Variants in TKT observed in about 807,000 individuals in gnomAD.
TKT encodes transketolase.
TKT carries 47 observed loss-of-function variants against 63.9 expected under a neutral mutation model. The observed-to-expected ratio is 0.74, with a 90% CI of 0.58 to 0.94. The LOEUF is 0.94. TKT is among the 40% of genes least tolerant of loss of function. The pLI, the probability that TKT is intolerant of heterozygous loss-of-function variation, is 0.00. For missense variants in TKT, 721 were observed against 846.2 expected (o/e 0.85, Z 1.84); for synonymous variants, 338 against 334.1 (o/e 1.01, Z -0.13).
rs1343939040 is a variant in TKT, at chr3:53,226,755, C to T, written c.1696+1G>A. ...AGCCTGCCTGCCCCAGGCCTCCTTA[C>T]CTTCATAATAATGGTCCTCCACGGT... is the stretch of plus-strand genomic sequence containing the variant. On this transcript the variant is annotated splice_donor_variant, in intron 13 of 13. Transcript: ENST00000462138. LOFTEE classifies it high-confidence loss of function. 1 of 1,614,070 alleles carries T rather than the reference C, an allele frequency of 6.2e-7. No individual in the cohort carries two copies.
At chr3:53,251,613 G>C (rs1326872301) in intron 1 of TKT, among the ~76,000 whole-genome samples, 1 of 152,190 alleles carries the variant, frequency 6.6e-6, no homozygotes, top group Non-Finnish European at 1.5e-5. Context: ...GAAAGCTATC[G>C]AGAAACGAGC....
intron 1 of TKT, among the ~76,000 whole-genome samples, chr3:53,250,342 T>C (rs925221015): frequency 8.1e-4 from 123 of 152,200 alleles, no homozygotes; most frequent in African/African-American, 2.9e-3. Flanking sequence ...TAAACTGGGA[T>C]ACAACCCCAG....
intron 4 of TKT, among the ~76,000 whole-genome samples, chr3:53,236,790 G>A (rs1323820151): frequency 2.6e-5 from 4 of 152,204 alleles, no homozygotes; most frequent in Non-Finnish European, 2.9e-5. Context: ...AGGGCCATCA[G>A]GCTCAGGTCA....
intron 12 of TKT, 76 bp from the exon 13 acceptor site, chr3:53,226,954 A>G (rs1704527675): frequency 4.6e-6 from 7 of 1,525,982 alleles, no homozygotes; most frequent in South Asian, 2.5e-5. Flanking sequence ...GCCTGGTGGG[A>G]CATCCTGAGG....
chr3:53,238,979 G>A (rs1575567549), intron 4 of TKT, among the ~76,000 whole-genome samples: 1 of 152,184 alleles, frequency 6.6e-6, no homozygotes, highest in Admixed American at 6.5e-5. Flanking sequence ...TGTAGCTCCC[G>A]TAATTCCTAC....
intron 4 of TKT, among the ~76,000 whole-genome samples, chr3:53,239,137 C>A (rs1705162339): frequency 6.6e-6 from 1 of 152,164 alleles, no homozygotes; most frequent in Non-Finnish European, 1.5e-5. Flanking sequence ...TTGCCTGCGC[C>A]TTCCACATAA....
At chr3:53,246,467 C>T (rs1405041349) in intron 1 of TKT, among the ~76,000 whole-genome samples, 1 of 152,160 alleles carries the variant, frequency 6.6e-6, no homozygotes, top group Admixed American at 6.5e-5. Flanking sequence ...AATATTCTCT[C>T]CCAAATATAG....
At position 53,233,231 on chromosome 3, in the gene TKT, A is replaced by G. The variant is rs781788909; in HGVS notation, c.673T>C (p.Cys225Arg). The G allele has an allele frequency of 1.2e-6, 2 of 1,613,788 alleles. No individual in the cohort carries two copies. The highest frequency in any genetic ancestry group is 1.7e-6 in the Non-Finnish European group (2 of 1,179,886). Residue 225 changes from cysteine to arginine, a missense_variant, in exon 6 of 14, where the codon TGC becomes CGC. Coordinates refer to ENST00000462138, the MANE Select transcript of TKT (RefSeq NM_001064.4). Reference protein sequence around the residue: ...IVDGHSVEELCKAFGQAKHQP... With the variant: ...IVDGHSVEELRKAFGQAKHQP... The stretch of plus-strand genomic sequence containing the variant: ...TGCTTGGCCTGGCCAAAGGCCTTGC[A>G]CAGCTCCTCCACGCTGTGTCCATCC...
intron 1 of TKT, among the ~76,000 whole-genome samples, chr3:53,245,748 G>A (rs9868820): frequency 0.092 from 14,017 of 152,198 alleles, 2,172 homozygotes; most frequent in African/African-American, 0.32. Context: ...TCATGCTACT[G>A]CACTCCAGCC....
chr3:53,255,795 C>A (rs1553682188), intron 1 of TKT, 41 bp downstream of exon 1: 1 of 1,366,730 alleles, frequency 7.3e-7, no homozygotes. Context: ...ACGCCCCCCG[C>A]CCCGCCCGAG....
Position 53,243,055 on chromosome 3 carries a change from G to A in TKT, c.108-813C>T, listed in dbSNP as rs1220515687. Among the ~76,000 whole-genome samples, 3 of 152,110 alleles carry A rather than the reference G, an allele frequency of 2.0e-5. No homozygotes were observed. The East Asian group carries it at 5.8e-4, about 29-fold the overall frequency. On this transcript the variant is annotated intron_variant, in intron 1 of 13. Coordinates refer to ENST00000462138, the MANE Select transcript of TKT (RefSeq NM_001064.4). ...TCATGTATTAATAAAAACCCCTTCT[G>A]CCTATGGACAAGGGCTGAGGAAGGG...
chr3:53,226,563 A>G, intron 13 of TKT, 193 bp downstream of exon 13: 2 of 672,476 alleles, frequency 3.0e-6, no homozygotes, highest in Admixed American at 3.0e-5. Flanking sequence ...GCTCATCAGC[A>G]GCTGTGAGTT....
Position 53,255,056 on chromosome 3 carries a change from C to T in TKT, c.107+780G>A, listed in dbSNP as rs550515081. Among the ~76,000 whole-genome samples, 10 of 152,328 alleles carry T rather than the reference C, an allele frequency of 6.6e-5. No homozygotes were observed. In the South Asian group the frequency reaches 2.1e-3, roughly 32 times the overall value. ...GCCTTCTCAGTCTCCTTGCCCTCCG[C>T]CTCCTCCCGCCCCAGGTCAAATCTT... is the stretch of plus-strand genomic sequence containing the variant. On this transcript the variant is annotated intron_variant, in intron 1 of 13. Transcript: ENST00000462138.
At chr3:53,234,106 C>T (rs34107310) in intron 5 of TKT, 58,193 of 152,144 alleles carry the variant, frequency 0.38, 11,866 homozygotes, top group East Asian at 0.56. Context: ...CTTGGGGAGG[C>T]CTGTGGGGTG....
intron 1 of TKT, among the ~76,000 whole-genome samples, chr3:53,250,453 C>T (rs1360793713): frequency 6.6e-6 from 1 of 152,186 alleles, no homozygotes; most frequent in Non-Finnish European, 1.5e-5. Flanking sequence ...ACTCCTGAGG[C>T]ACCCAGTTTG....
At position 53,225,359 on chromosome 3, in the gene TKT, G is replaced by C. The variant is rs1704454017; in HGVS notation, c.*397C>G. On this transcript the variant is annotated 3_prime_UTR_variant, in exon 14 of 14. Transcript: ENST00000462138. ...CCTGGTCAGCTTCCAGACTGAGGCA[G>C]TTCCCCAGCCCGCTCAGGGCCAGGT... The C allele has an allele frequency of 1.3e-5, 2 of 157,814 alleles. No homozygotes were observed. The highest frequency in any genetic ancestry group is 4.8e-5 in the African/African-American group (2 of 41,690). 9.8% of individuals were successfully genotyped at this position (157,814 alleles called of 1,614,324 possible).
chr3:53,238,428 T>C (rs1705129877), intron 4 of TKT, among the ~76,000 whole-genome samples: 2 of 152,244 alleles, frequency 1.3e-5, no homozygotes, highest in Admixed American at 1.3e-4. Flanking sequence ...CAGGTGACAC[T>C]GGCCTGAAGG....
Position 53,225,888 on chromosome 3 carries a change from AGGCTC to A in TKT, c.1735_1739del (p.Glu579TrpfsTer10). The A allele has an allele frequency of 6.2e-7, 1 of 1,613,834 alleles. No individual in the cohort carries two copies. The highest frequency in any genetic ancestry group is 8.5e-7 in the Non-Finnish European group (1 of 1,179,998). On this transcript the variant is annotated frameshift_variant, in exon 14 of 14. Transcript: ENST00000462138. LOFTEE classifies it low-confidence loss of function (END_TRUNC). ...CTGCCAGGTGGGTGACAGTGATGCCAGGCTCGCCCACTACTGCACTGGACACAGCC... is the reference window on the plus strand; with the variant it reads ...CTGCCAGGTGGGTGACAGTGATGCCAGCCCACTACTGCACTGGACACAGCC...
chr3:53,227,652 C>T (rs1038173270), intron 12 of TKT: 69 of 187,456 alleles, frequency 3.7e-4, no homozygotes, highest in African/African-American at 1.6e-3. Context: ...ATGTAACCCT[C>T]AGGAGAGCTC....
Sources: allele counts gnomAD v4.1 joint callset (sites outside exome capture counted in the v4.1 genomes callset), GRCh38; gene constraint gnomAD v4.1.1; transcripts MANE v1.5; gene names NCBI Gene and HGNC (gene_info 2026-07-23, HGNC 2026-07-21).